NAPSA: variants seen among roughly 807,000 people sequenced by gnomAD.
NAPSA encodes napsin-A.
NAPSA carries 37 observed loss-of-function variants against 36.7 expected under a neutral mutation model. That is an observed-to-expected ratio of 1.01 (90% CI 0.78 to 1.33). NAPSA has a LOEUF of 1.33. NAPSA is among the 40% of genes most tolerant of loss of function. The pLI, the probability that NAPSA is intolerant of heterozygous loss-of-function variation, is 0.00. For missense variants in NAPSA, 532 were observed against 543.8 expected, an observed-to-expected ratio of 0.98 and a Z score of 0.21; for synonymous variants, 222 against 234.5, an observed-to-expected ratio of 0.95 and a Z score of 0.49.
chr19:50,364,715 G>A (rs759538023), intron 1 of NAPSA, among the ~76,000 whole-genome samples: 7 of 150,672 alleles, frequency 4.6e-5, no homozygotes, highest in African/African-American at 7.4e-5. Context: ...CTCTGGGACC[G>A]GACGCGGGGG....
intron 4 of NAPSA, 133 bp from the exon 5 acceptor site, chr19:50,361,273 A>G: frequency 1.4e-6 from 1 of 731,132 alleles, no homozygotes; most frequent in Non-Finnish European, 2.3e-6. Context: ...CTAGGAAACT[A>G]TGCCTCTTGA....
At chr19:50,358,923 C>T in intron 8 of NAPSA, 88 bp downstream of exon 8, 1 of 1,365,530 alleles carries the variant, frequency 7.3e-7, no homozygotes, top group Non-Finnish European at 1.0e-6. Flanking sequence ...GTTTCTGTGG[C>T]CCCTTCCCTT....
chr19:50,360,539 G>A (rs557178698), intron 5 of NAPSA, among the ~76,000 whole-genome samples: 5 of 152,212 alleles, frequency 3.3e-5, no homozygotes, highest in African/African-American at 4.8e-5. Flanking sequence ...GGATTAAATC[G>A]GGCAATTCCT....
intron 4 of NAPSA, 157 bp downstream of exon 4, chr19:50,361,506 C>G: frequency 1.4e-6 from 1 of 689,748 alleles, no homozygotes; most frequent in South Asian, 1.8e-5. Context: ...TTGTGACGCA[C>G]CATCCCTTCA....
In NAPSA at chr19:50,361,031, A is replaced by G. The variant is rs1298244559; in HGVS notation, c.578T>C (p.Ile193Thr). The change falls in exon 5 of 9, where the codon ATT becomes ACT. Residue 193 changes from isoleucine to threonine, a missense_variant. Ile to Thr is a moderately conservative substitution (Grantham distance 89). Transcript: ENST00000253719. Reference protein sequence around the residue: ...FDGILGLGFPILSVEGVRPPM... With the variant: ...FDGILGLGFPTLSVEGVRPPM... ...GGGCCGAACTCCTTCCACAGACAGA[A>G]TGGGAAAACCGAGGCCCAATATCCC... is the stretch of plus-strand genomic sequence containing the variant. 2 of 1,614,068 alleles carry G rather than the reference A, an allele frequency of 1.2e-6. No homozygotes were observed. The highest frequency in any genetic ancestry group is 1.7e-6 in the Non-Finnish European group (2 of 1,180,054).
intron 7 of NAPSA, 93 bp from the exon 8 acceptor site, chr19:50,359,202 T>G (rs2037438207): frequency 8.7e-7 from 1 of 1,151,294 alleles, no homozygotes; most frequent in Non-Finnish European, 1.3e-6. Context: ...ATTTCCCTAT[T>G]GAGCACCTGG....
chr19:50,358,668 G>C lies in NAPSA; in HGVS notation c.1148C>G (p.Ala383Gly). The C allele has an allele frequency of 6.2e-7, 1 of 1,613,328 alleles. No individual in the cohort carries two copies. Among genetic ancestry groups the C allele is most frequent in the Non-Finnish European group, 8.5e-7 (1 of 1,179,970 alleles). ...LGDVFLGTYV[A>G]VFDRGDMKSS... ...CTTCATGTCCCCGCGGTCGAAGACG[G>C]CCACATACGTCCCCAAGAAGACGTC... Residue 383 changes from alanine (A) to glycine (G), a missense_variant, in exon 9 of 9, where the codon GCC becomes GGC. By Grantham distance (60) the Ala-to-Gly change is moderately conservative. This residue lies in a region of NAPSA where 385 missense variants were observed against 371.5 expected (regional missense o/e 1.04). Coordinates refer to ENST00000253719, the MANE Select transcript of NAPSA (RefSeq NM_004851.3).
intron 1 of NAPSA, 100 bp from the exon 2 acceptor site, chr19:50,362,413 G>A: frequency 8.7e-7 from 1 of 1,152,498 alleles, no homozygotes; most frequent in Non-Finnish European, 1.2e-6. Context: ...ACATCTCCAA[G>A]GCACTACAAT....
upstream of NAPSA, chr19:50,369,188 C>G (rs1312140375): frequency 6.6e-6 from 1 of 152,148 alleles, no homozygotes; most frequent in African/African-American, 2.4e-5. Flanking sequence ...GAATTATCGC[C>G]CACATTTTAC....
At position 50,362,268 on chromosome 19, in the gene NAPSA, T is replaced by G. The variant is rs1257561755; in HGVS notation, c.129A>C (p.Leu43=). ...RVQPGRRILN[L]LRGWREPAEL... ...CTGCTGGTTCTCTCCATCCCCTCAG[T>G]AGGTTCAGGATCCTGCGTCCAGGTT... The change falls in exon 2 of 9, where the codon CTA becomes CTC. Residue 43 remains leucine, a synonymous_variant. Transcript: ENST00000253719. 1.9e-6 allele frequency: 3 copies of G among 1,613,858 alleles called. No individual in the cohort carries two copies. The African/African-American group carries it at 4.0e-5, about 22-fold the overall frequency.
At chr19:50,359,296 C>G in intron 7 of NAPSA, 187 bp from the exon 8 acceptor site, 1 of 848,278 alleles carries the variant, frequency 1.2e-6, no homozygotes, top group East Asian at 2.7e-5. Context: ...TCCCTCCACC[C>G]GGCCACCATC....
upstream of NAPSA, chr19:50,365,735 T>G (rs1028894573): frequency 1.1e-5 from 9 of 845,998 alleles, no homozygotes; most frequent in Non-Finnish European, 1.7e-5. Flanking sequence ...GGACATGAAA[T>G]CTGTCCGCAG....
At position 50,358,581 on chromosome 19, in the gene NAPSA, T is replaced by G. The variant is rs761276895; in HGVS notation, c.1235A>C (p.Glu412Ala). Residue 412 changes from glutamate to alanine, a missense_variant, in exon 9 of 9, where the codon GAG becomes GCG. Physicochemically the swap from Glu to Ala is moderately radical, Grantham distance 107. This residue lies in a region of NAPSA where 385 missense variants were observed against 371.5 expected (regional missense o/e 1.04). Transcript: ENST00000253719. ...RTRGADLGWG[E>A]TAQAQFPG ...CCCGGGGAACTGCGCCTGCGCAGTC[T>G]CTCCCCATCCGAGGTCCGCTCCGCG... 11 of 1,608,658 alleles carry G rather than the reference T, an allele frequency of 6.8e-6. No homozygotes were observed. The highest frequency in any genetic ancestry group is 9.3e-6 in the Non-Finnish European group (11 of 1,178,280).
At chr19:50,362,378 C>G in intron 1 of NAPSA, 65 bp from the exon 2 acceptor site, 4 of 1,455,608 alleles carry the variant, frequency 2.7e-6, no homozygotes, top group Non-Finnish European at 3.7e-6. Flanking sequence ...TAGACTTACC[C>G]AAATAGGATA....
intron 1 of NAPSA, among the ~76,000 whole-genome samples, chr19:50,363,495 C>T (rs560370205): frequency 1.3e-5 from 2 of 152,320 alleles, no homozygotes; most frequent in Non-Finnish European, 2.9e-5. Context: ...ATTCTCCCAC[C>T]TCAGCCTCTG....
Position 50,362,228 on chromosome 19 carries a change from C to T in NAPSA, c.169G>A (p.Gly57Arg), listed in dbSNP as rs1377227742. ...WREPAELPKL[G>R]APSPGDKPIF... ...GGCTTGTCCCCAGGGGATGGGGCCC[C>T]CAACTTGGGGAGCTCTGCTGGTTCT... The change falls in exon 2 of 9, where the codon GGG (glycine) becomes AGG (arginine). Residue 57 changes from glycine to arginine, a missense_variant. This residue lies in a region of NAPSA where 102 missense variants were observed against 93.6 expected (regional missense o/e 1.09). Transcript: ENST00000253719. 1 of 1,614,062 alleles carries T rather than the reference C, an allele frequency of 6.2e-7. No individual in the cohort carries two copies. The highest frequency in any genetic ancestry group is 1.7e-5 in the Admixed American group (1 of 60,004).
chr19:50,365,867 G>A (rs778107246), upstream of NAPSA: 1 of 379,430 alleles, frequency 2.6e-6, no homozygotes, highest in Non-Finnish European at 4.8e-6. Context: ...CAGTGGTGGT[G>A]GGGTCTCCTC....
In NAPSA at chr19:50,365,614, G is replaced by A; in HGVS notation, c.8C>T (p.Pro3Leu). ...CAGCAGGGGTTGCAGCAGCGGTGGT[G>A]GAGACATCGCTGGGGACCTGGGTGT... Reference protein sequence around the residue: MSPPPLLQPLLLL... With the variant: MSLPPLLQPLLLL... The change falls in exon 1 of 9, where the codon CCA becomes CTA. Residue 3 changes from proline to leucine, a missense_variant. Physicochemically the swap from Pro to Leu is moderately conservative, Grantham distance 98. Transcript: ENST00000253719. The A allele has an allele frequency of 6.2e-7, 1 of 1,609,848 alleles. No individual in the cohort carries two copies. Among genetic ancestry groups the A allele is most frequent in the Non-Finnish European group, 8.5e-7 (1 of 1,178,252 alleles).
chr19:50,367,545 TCTCC>T (rs1426219160), upstream of NAPSA, among the ~76,000 whole-genome samples: 14 of 136,044 alleles, frequency 1.0e-4, no homozygotes, highest in African/African-American at 3.4e-4. Context: ...AGTCTCTCTC[TCTCC>T]CTCTCTCTCT....
Sources: allele counts gnomAD v4.1 joint callset (sites outside exome capture counted in the v4.1 genomes callset), GRCh38; gene constraint gnomAD v4.1.1; regional missense constraint gnomAD v4.1.1; transcripts MANE v1.5; gene names NCBI Gene and HGNC (gene_info 2026-07-23, HGNC 2026-07-21).